The following SERPING1 variants were observed in gnomAD, a reference collection of about 807,000 sequenced individuals.
SERPING1 encodes the protein plasma protease C1 inhibitor.
In SERPING1, 5 loss-of-function variants were observed where a neutral mutation model predicts 34.1. The observed-to-expected ratio is 0.15, with a 90% CI of 0.08 to 0.31. The LOEUF is 0.31. SERPING1 is among the 10% of genes least tolerant of loss of function. The pLI is 1.00. For missense variants in SERPING1, 505 were observed against 609.5 expected, an observed-to-expected ratio of 0.83 and a Z score of 1.81; for synonymous variants, 225 against 242.4, an observed-to-expected ratio of 0.93 and a Z score of 0.67.
chr11:57,608,427 A>G (rs1005433914), intron 6 of SERPING1, among the ~76,000 whole-genome samples: 1 of 152,206 alleles, frequency 6.6e-6, no homozygotes, highest in African/African-American at 2.4e-5. Flanking sequence ...CTGGACATAT[A>G]ATATCAATAA....
rs990169483 is a variant in SERPING1 at position 57,606,474 on chromosome 11, T to A, written c.956T>A (p.Val319Asp). 6.2e-7 allele frequency: 1 copy of A among 1,614,168 alleles called. No individual in the cohort carries two copies. The part of the protein sequence containing the change: ...RMEPFHFKNS[V>D]IKVPMMNSKK... The stretch of plus-strand genomic sequence containing the variant: ...GAACCCTTTCACTTCAAAAACTCAG[T>A]TATAAAAGTGCCCATGATGAATAGC... Residue 319 changes from valine to aspartate, a missense_variant, in exon 6 of 8, where the codon GTT becomes GAT. Coordinates refer to ENST00000278407, the MANE Select transcript of SERPING1 (RefSeq NM_000062.3).
At chr11:57,601,911 A>G (rs1945351775) in intron 3 of SERPING1, 124 bp from the exon 4 acceptor site, 1 of 851,460 alleles carries the variant, frequency 1.2e-6, no homozygotes, top group Non-Finnish European at 1.9e-6. Flanking sequence ...TCCAGCTCAG[A>G]TGATCTGTGA....
Position 57,606,860 on chromosome 11 carries a change from C to G in SERPING1, c.1029+313C>G, listed in dbSNP as rs182897345. 28 of 595,764 alleles carry G rather than the reference C, an allele frequency of 4.7e-5. 1 individual carries two copies. Among genetic ancestry groups the G allele is most frequent in the Middle Eastern group, 5.2e-4 (2 of 3,828 alleles). 36.9% of individuals were successfully genotyped at this position (595,764 alleles called of 1,614,324 possible). On this transcript the variant is annotated intron_variant, in intron 6 of 7. Transcript: ENST00000278407. ...TTTCCAGTCAACTCATCAGAAGACT[C>G]TGGTGGCTTAGCAAGTCCTGTGTGT...
intron 6 of SERPING1, among the ~76,000 whole-genome samples, chr11:57,608,474 G>A (rs1945437578): frequency 6.6e-6 from 1 of 152,106 alleles, no homozygotes; most frequent in Non-Finnish European, 1.5e-5. Context: ...AATATGAAGA[G>A]TAATTTCTAT....
At position 57,598,203 on chromosome 11, in the gene SERPING1, G is replaced by A. The variant is rs1374712279; in HGVS notation, c.-22-46G>A. 3 of 1,484,032 alleles carry A rather than the reference G, an allele frequency of 2.0e-6. No homozygotes were observed. The African/African-American group carries it at 4.2e-5, about 21-fold the overall frequency. The allele number at this position is 1,484,032 out of a possible 1,614,324, so 91.9% of individuals were successfully genotyped here. The stretch of plus-strand genomic sequence containing the variant: ...GGCCCCGGGCGGGGTGGGGGCCCCT[G>A]GGCTCCCAGGGTGGGAGCTGGCTCC... On this transcript the variant is annotated intron_variant, in intron 1 of 7. Coordinates refer to ENST00000278407, the MANE Select transcript of SERPING1 (RefSeq NM_000062.3).
At chr11:57,599,831 T>C in intron 2 of SERPING1, 48 bp from the exon 3 acceptor site, 1 of 1,613,944 alleles carries the variant, frequency 6.2e-7, no homozygotes, top group Non-Finnish European at 8.5e-7. Flanking sequence ...TTTAGAGGAC[T>C]GTGCCTCGTA....
chr11:57,604,432 A>G (rs758817723), intron 4 of SERPING1, among the ~76,000 whole-genome samples: 31 of 151,966 alleles, frequency 2.0e-4, no homozygotes, highest in Non-Finnish European at 1.5e-4. Flanking sequence ...CTGTTTCTGG[A>G]GTCATGGTGG....
At chr11:57,598,678 G>A (rs1945314446) in intron 2 of SERPING1, among the ~76,000 whole-genome samples, 1 of 152,190 alleles carries the variant, frequency 6.6e-6, no homozygotes, top group African/African-American at 2.4e-5. Context: ...GAGATGGGAA[G>A]CATTTTGTGA....
At chr11:57,604,131 CAAAAA>C (rs71470279) in intron 4 of SERPING1, among the ~76,000 whole-genome samples, 3 of 125,616 alleles carry the variant, frequency 2.4e-5, no homozygotes, top group Non-Finnish European at 1.7e-5. Context: ...GACTCTGTCT[CAAAAA>C]AAAAAAAAAA....
At chr11:57,607,497 C>G (rs1945424065) in intron 6 of SERPING1, among the ~76,000 whole-genome samples, 1 of 152,208 alleles carries the variant, frequency 6.6e-6, no homozygotes, top group African/African-American at 2.4e-5. Context: ...GATACTGTCT[C>G]TCTACTTGAA....
chr11:57,608,305 A>G (rs1051943449), intron 6 of SERPING1, among the ~76,000 whole-genome samples: 1 of 152,234 alleles, frequency 6.6e-6, no homozygotes, highest in Non-Finnish European at 1.5e-5. Flanking sequence ...TTCCTCTCTA[A>G]AAATGTTTTT....
Position 57,598,175 on chromosome 11 carries a change from G to C in SERPING1, c.-22-74G>C, listed in dbSNP as rs900603288. 10 of 1,170,042 alleles carry C rather than the reference G, an allele frequency of 8.5e-6. No homozygotes were observed. The African/African-American group carries it at 1.5e-4, about 18-fold the overall frequency. The allele number at this position is 1,170,042 out of a possible 1,614,324, so 72.5% of individuals were successfully genotyped here. The stretch of plus-strand genomic sequence containing the variant: ...GACTGGGGCCTGAGACGGAATGGGG[G>C]CGGGCCCCGGGCGGGGTGGGGGCCC... On this transcript the variant is annotated intron_variant, in intron 1 of 7. Coordinates refer to ENST00000278407, the MANE Select transcript of SERPING1 (RefSeq NM_000062.3).
chr11:57,598,483 G>A (rs1945312967), intron 2 of SERPING1, among the ~76,000 whole-genome samples, 162 bp downstream of exon 2: 1 of 152,194 alleles, frequency 6.6e-6, no homozygotes, highest in African/African-American at 2.4e-5. Context: ...CTCGTAGATG[G>A]TGGAAAGAGC....
At chr11:57,599,737 T>A in intron 2 of SERPING1, 142 bp from the exon 3 acceptor site, 1 of 1,131,484 alleles carries the variant, frequency 8.8e-7, no homozygotes. Flanking sequence ...CTAAGACAGA[T>A]TGCTCATCTG....
At chr11:57,601,417 GC>G in intron 3 of SERPING1, among the ~76,000 whole-genome samples, 1 of 139,244 alleles carries the variant, frequency 7.2e-6, no homozygotes. Context: ...AAAAAAAGAA[GC>G]AGCCTAGTGT....
chr11:57,598,154 G>A (rs1945308052), intron 1 of SERPING1, 95 bp from the exon 2 acceptor site: 4 of 896,070 alleles, frequency 4.5e-6, no homozygotes, highest in Non-Finnish European at 6.9e-6. Context: ...AAGAGGGACT[G>A]GGGCCTGAGA....
At position 57,598,349 on chromosome 11, in the gene SERPING1, C is replaced by A. The variant is rs199873764; in HGVS notation, c.51+28C>A. On this transcript the variant is annotated intron_variant, in intron 2 of 7. Coordinates refer to ENST00000278407, the MANE Select transcript of SERPING1 (RefSeq NM_000062.3). ...ATGTGGTCCCTTGTGGGATGGGGGA[C>A]GGGGGTGGAGACGGGAGGCGGGATG... 1.1e-4 allele frequency: 170 copies of A among 1,527,388 alleles called. 1 individual carries two copies. In the East Asian group the frequency reaches 3.7e-3, roughly 34 times the overall value. The allele number at this position is 1,527,388 out of a possible 1,614,324, so 94.6% of individuals were successfully genotyped here.
At chr11:57,603,255 GA>G (rs1454148234) in intron 4 of SERPING1, among the ~76,000 whole-genome samples, 1 of 150,596 alleles carries the variant, frequency 6.6e-6, no homozygotes, top group Non-Finnish European at 1.5e-5. Context: ...AAGGAAGAAA[GA>G]AAAAAGGCCA....
intron 6 of SERPING1, among the ~76,000 whole-genome samples, chr11:57,608,560 C>T (rs968109781): frequency 3.3e-5 from 5 of 152,124 alleles, no homozygotes; most frequent in African/African-American, 1.2e-4. Flanking sequence ...TTGCCCAGGC[C>T]GGAGTGCAGT....
Sources: allele counts gnomAD v4.1 joint callset (sites outside exome capture counted in the v4.1 genomes callset), GRCh38; gene constraint gnomAD v4.1.1; transcripts MANE v1.5; gene names NCBI Gene and HGNC (gene_info 2026-07-23, HGNC 2026-07-21).